The following EFHC2 variants were observed in gnomAD, a reference collection of about 807,000 sequenced individuals.
EFHC2 encodes EF-hand domain-containing family member C2.
A neutral mutation model predicts 52.7 loss-of-function variants in EFHC2; 18 were observed. The observed-to-expected ratio is 0.34, with a 90% CI of 0.24 to 0.51. EFHC2 has a LOEUF of 0.51. EFHC2 is among the 20% of genes least tolerant of loss of function. The probability of loss-of-function intolerance (pLI) is 0.97; values close to 1 mark genes in which losing one functional copy is unlikely to be tolerated. For missense variants in EFHC2, 513 were observed against 562.5 expected (o/e 0.91, Z 0.89); for synonymous variants, 203 against 204.1 (o/e 0.99, Z 0.04).
At chrX:44,343,488 C>G in intron 1 of EFHC2, 59 bp downstream of exon 1, 1 of 1,159,881 alleles carries the variant, frequency 8.6e-7, no homozygotes, top group Non-Finnish European at 1.2e-6. Flanking sequence ...ACGCCACGAC[C>G]CTGCCTGGAC....
chrX:44,218,007 A>C (rs1031825222), intron 11 of EFHC2, among the ~76,000 whole-genome samples: 3 of 111,707 alleles, frequency 2.7e-5, no homozygotes, highest in African/African-American at 9.8e-5. Flanking sequence ...GTAAATTAAA[A>C]AAGATTCAAG....
intron 11 of EFHC2, among the ~76,000 whole-genome samples, chrX:44,192,547 C>T (rs1389503698): frequency 8.9e-6 from 1 of 112,129 alleles, no homozygotes; most frequent in Non-Finnish European, 1.9e-5. Context: ...TCTCAATTTA[C>T]AAATACTTTA....
chrX:44,197,722 G>A (rs182761252), intron 11 of EFHC2, among the ~76,000 whole-genome samples: 1 of 112,654 alleles, frequency 8.9e-6, no homozygotes, highest in East Asian at 2.8e-4. Context: ...ACTGTACTAT[G>A]TGGCACGCCT....
intron 14 of EFHC2, among the ~76,000 whole-genome samples, chrX:44,154,078 T>G (rs1464120645): frequency 8.9e-6 from 1 of 112,358 alleles, no homozygotes; most frequent in Non-Finnish European, 1.9e-5. Flanking sequence ...GCAGTGCAGG[T>G]TTGGAATTTG....
intron 2 of EFHC2, among the ~76,000 whole-genome samples, chrX:44,276,169 A>C (rs2037656301): frequency 9.0e-6 from 1 of 111,023 alleles, no homozygotes; most frequent in Non-Finnish European, 1.9e-5. Context: ...TGTAATCCCA[A>C]CACGTTAGGA....
At chrX:44,240,789 G>A (rs1254808800) in intron 8 of EFHC2, among the ~76,000 whole-genome samples, 3 of 111,074 alleles carry the variant, frequency 2.7e-5, no homozygotes, top group Non-Finnish European at 5.7e-5. Context: ...CAGTCAGTCT[G>A]GGGGTGGGGG....
chrX:44,204,234 C>CAAAAAA lies in EFHC2; in HGVS notation c.1751+25409_1751+25414dup, dbSNP rs61512189. 3.6e-5 allele frequency among the ~76,000 whole-genome samples: 2 copies of CAAAAAA among 55,468 alleles called. 1 individual carries two copies. The highest frequency in any genetic ancestry group is 6.6e-5 in the Non-Finnish European group (2 of 30,094). The allele number at this position is 55,468 out of a possible 115,157, so 48.2% of individuals were successfully genotyped here. Reference sequence around the variant, plus strand: ...AAGCCCTCTGAAATGGTAGCAAACCCAAAAAAAAAAAAAAAAAAAGCAGCA... The same window carrying CAAAAAA: ...AAGCCCTCTGAAATGGTAGCAAACCCAAAAAAAAAAAAAAAAAAAAAAAAAGCAGCA... On this transcript the variant is annotated intron_variant, in intron 11 of 14. Transcript: ENST00000420999.
rs370201553 is a variant in EFHC2, at chrX:44,319,928, A to T, written c.43-7172T>A. On this transcript the variant is annotated intron_variant, in intron 1 of 14. Transcript: ENST00000420999. ...AGATAAGTTTTTATTTATTTTATTT[A>T]TTTTTTTTATTTTTTTATTTTTTTA... is the stretch of plus-strand genomic sequence containing the variant. 4.2e-4 allele frequency among the ~76,000 whole-genome samples: 46 copies of T among 110,411 alleles called. No individual in the cohort carries two copies. The South Asian group carries it at 9.4e-3, about 22-fold the overall frequency.
intron 13 of EFHC2, among the ~76,000 whole-genome samples, chrX:44,167,817 T>C (rs978634258): frequency 8.9e-6 from 1 of 111,811 alleles, no homozygotes; most frequent in African/African-American, 3.3e-5. Flanking sequence ...GGAATAAAAC[T>C]AGCTCATGTT....
At chrX:44,168,750 G>A (rs971686977) in intron 13 of EFHC2, among the ~76,000 whole-genome samples, 1 of 109,943 alleles carries the variant, frequency 9.1e-6, no homozygotes, top group African/African-American at 3.3e-5. Flanking sequence ...GTGGCCATGC[G>A]TAAACTCTCC....
At chrX:44,300,432 T>A (rs999246412) in intron 2 of EFHC2, among the ~76,000 whole-genome samples, 6 of 111,051 alleles carry the variant, frequency 5.4e-5, no homozygotes, top group Non-Finnish European at 1.1e-4. Flanking sequence ...AGAAAAAAAA[T>A]TTCTGTTTAA....
chrX:44,156,526 G>T (rs929478340), intron 14 of EFHC2, among the ~76,000 whole-genome samples: 13 of 111,516 alleles, frequency 1.2e-4, no homozygotes, highest in Non-Finnish European at 2.3e-4. Context: ...TCTCAACAAG[G>T]CGGGTGTCCA....
At chrX:44,206,398 T>C (rs1602150877) in intron 11 of EFHC2, among the ~76,000 whole-genome samples, 1 of 111,270 alleles carries the variant, frequency 9.0e-6, no homozygotes, top group East Asian at 2.8e-4. Flanking sequence ...GGCATCCAAA[T>C]AGGGAAAAAG....
chrX:44,232,730 T>C, intron 9 of EFHC2, 53 bp from the exon 10 acceptor site: 1 of 1,077,925 alleles, frequency 9.3e-7, no homozygotes, highest in Non-Finnish European at 1.2e-6. Flanking sequence ...AAGAACCACG[T>C]GACTTGCCTT....
chrX:44,207,067 A>G (rs1201718120), intron 11 of EFHC2, among the ~76,000 whole-genome samples: 4 of 112,011 alleles, frequency 3.6e-5, no homozygotes, highest in African/African-American at 1.3e-4. Context: ...AAAGCCACAT[A>G]CCCACAACCA....
At chrX:44,283,478 G>C (rs1320610001) in intron 2 of EFHC2, among the ~76,000 whole-genome samples, 1 of 110,695 alleles carries the variant, frequency 9.0e-6, no homozygotes, top group South Asian at 3.8e-4. Flanking sequence ...CACGGCGCAC[G>C]GCCGATCGGA....
intron 11 of EFHC2, among the ~76,000 whole-genome samples, chrX:44,202,281 T>C (rs1006285026): frequency 8.1e-5 from 9 of 111,185 alleles, no homozygotes; most frequent in Non-Finnish European, 1.1e-4. Context: ...GGCGTGGTGG[T>C]GGGCACCTGT....
At chrX:44,305,284 C>T (rs1351625637) in intron 2 of EFHC2, among the ~76,000 whole-genome samples, 1 of 111,060 alleles carries the variant, frequency 9.0e-6, no homozygotes, top group African/African-American at 3.3e-5. Flanking sequence ...TAAAATAAAA[C>T]AAAATTAATG....
intron 8 of EFHC2, among the ~76,000 whole-genome samples, chrX:44,236,637 A>T (rs1163993479): frequency 8.9e-6 from 1 of 112,194 alleles, no homozygotes. Context: ...CAAGATTCCT[A>T]GGCTTGAGGC....
Sources: allele counts gnomAD v4.1 joint callset (sites outside exome capture counted in the v4.1 genomes callset), GRCh38; gene constraint gnomAD v4.1.1; transcripts MANE v1.5; gene names NCBI Gene and HGNC (gene_info 2026-07-23, HGNC 2026-07-21).